Variants in APTX observed in about 807,000 individuals in gnomAD.
The protein encoded by APTX is aprataxin.
A neutral mutation model predicts 42.3 loss-of-function variants in APTX; 33 were observed. The ratio of observed to expected loss-of-function variants is 0.78; its 90% CI spans 0.59 to 1.04. APTX has a LOEUF of 1.04. Ranked by LOEUF, APTX falls within the 50% of genes least tolerant of loss-of-function variation. The pLI is 0.00. For synonymous variants in APTX, 130 were observed against 146.7 expected (o/e 0.89, Z 0.82); for missense variants, 421 against 415.1 (o/e 1.01, Z -0.12).
chr9:33,013,261 T>C (rs1389397808), intron 1 of APTX, among the ~76,000 whole-genome samples: 2 of 152,194 alleles, frequency 1.3e-5, no homozygotes, highest in Non-Finnish European at 2.9e-5. Context: ...ATACTATTAT[T>C]ATCCACTTTT....
At chr9:32,992,700 CA>C (rs1211958396) in intron 1 of APTX, among the ~76,000 whole-genome samples, 2 of 152,152 alleles carry the variant, frequency 1.3e-5, no homozygotes, top group African/African-American at 4.8e-5. Flanking sequence ...GATAAAACAA[CA>C]GCATCCAAAG....
chr9:32,991,402 GC>G (rs1833604008), intron 1 of APTX, among the ~76,000 whole-genome samples: 3 of 152,188 alleles, frequency 2.0e-5, no homozygotes, highest in Admixed American at 2.0e-4. Context: ...AATGGCCGAA[GC>G]AAAGGGGATG....
intron 1 of APTX, 99 bp downstream of exon 1, chr9:33,001,468 T>G: frequency 6.3e-7 from 1 of 1,593,842 alleles, no homozygotes. Flanking sequence ...GCAGCGTCAT[T>G]CAAGGCACAT....
At chr9:32,984,113 G>A (rs1252533547) in intron 6 of APTX, among the ~76,000 whole-genome samples, 1 of 152,114 alleles carries the variant, frequency 6.6e-6, no homozygotes, top group Non-Finnish European at 1.5e-5. Flanking sequence ...CACCTTGCTT[G>A]TATTCTTTGA....
rs367715736 is a variant in APTX, at chr9:32,972,913, C to G, written c.*585G>C. On this transcript the variant is annotated 3_prime_UTR_variant, in exon 8 of 8. Transcript: ENST00000379817. Reference sequence around the variant, plus strand: ...CACACCATCATCTAGCCTCTTTTCTCACTGTGAAGAACTGATGAGACAGAA... The same window carrying G: ...CACACCATCATCTAGCCTCTTTTCTGACTGTGAAGAACTGATGAGACAGAA... The G allele has an allele frequency of 2.2e-5, 10 of 453,996 alleles. No individual in the cohort carries two copies. Among genetic ancestry groups the G allele is most frequent in the East Asian group, 1.4e-4 (2 of 14,408 alleles). 28.1% of individuals were successfully genotyped at this position (453,996 alleles called of 1,614,324 possible).
chr9:32,973,710 C>CAAAAAAAAAAAAA, intron 7 of APTX, 58 bp from the exon 8 acceptor site: 1 of 1,296,414 alleles, frequency 7.7e-7, no homozygotes, highest in Non-Finnish European at 1.0e-6. Flanking sequence ...ATATGAGATA[C>CAAAAAAAAAAAAA]CAAAAAAAAA....
intron 6 of APTX, among the ~76,000 whole-genome samples, chr9:32,980,927 G>A (rs767053129): frequency 6.6e-5 from 10 of 152,076 alleles, no homozygotes; most frequent in Admixed American, 5.2e-4. Flanking sequence ...AATATTTCAC[G>A]TTCTCCCAAT....
chr9:32,992,787 A>G (rs1473020856), intron 1 of APTX, among the ~76,000 whole-genome samples: 2 of 152,218 alleles, frequency 1.3e-5, no homozygotes. Context: ...GGCTGTTAAT[A>G]TAACGTGAGC....
chr9:32,980,988 G>T (rs1214561487), intron 6 of APTX, among the ~76,000 whole-genome samples: 1 of 152,102 alleles, frequency 6.6e-6, no homozygotes, highest in Admixed American at 6.5e-5. Context: ...TGAAATATAA[G>T]CACTAATAAA....
intron 1 of APTX, among the ~76,000 whole-genome samples, chr9:32,990,566 G>A (rs1209696018): frequency 6.6e-6 from 1 of 152,198 alleles, no homozygotes; most frequent in East Asian, 1.9e-4. Context: ...TCCTTGAGGA[G>A]CCTGGAGTGC....
chr9:32,991,468 T>C (rs1563975600), intron 1 of APTX, among the ~76,000 whole-genome samples: 1 of 152,020 alleles, frequency 6.6e-6, no homozygotes, highest in East Asian at 1.9e-4. Context: ...ACTGATGACA[T>C]TTGGGGAATG....
intron 1 of APTX, among the ~76,000 whole-genome samples, chr9:33,012,755 A>C (rs562442983): frequency 6.6e-6 from 1 of 152,306 alleles, no homozygotes; most frequent in South Asian, 2.1e-4. Context: ...TTCTGATTAA[A>C]TAAATGATTG....
intron 1 of APTX, among the ~76,000 whole-genome samples, chr9:33,017,933 C>CG (rs1195626359): frequency 4.7e-5 from 4 of 84,586 alleles, no homozygotes; most frequent in African/African-American, 2.0e-4. Flanking sequence ...CCAGCGCCCC[C>CG]CCCCCCCTCC....
intron 4 of APTX, among the ~76,000 whole-genome samples, chr9:32,986,591 C>T (rs1175256531): frequency 6.6e-6 from 1 of 151,744 alleles, no homozygotes; most frequent in African/African-American, 2.4e-5. Flanking sequence ...CAACCTCTGC[C>T]TCCCGGGTTC....
chr9:33,013,634 A>G (rs145366219), intron 1 of APTX, among the ~76,000 whole-genome samples: 10,825 of 152,150 alleles, frequency 0.071, 514 homozygotes, highest in Non-Finnish European at 0.11. Context: ...GTGAAACCCC[A>G]TCTCTACTAA....
intron 1 of APTX, among the ~76,000 whole-genome samples, chr9:33,013,542 C>T (rs1327217337): frequency 1.3e-5 from 2 of 152,210 alleles, no homozygotes; most frequent in East Asian, 1.9e-4. Context: ...CGTGGTGGCT[C>T]ATGCCTGTAA....
In APTX at chr9:33,021,494, G is replaced by C. The variant is rs757726306; in HGVS notation, c.-5+3529C>G. Among the ~76,000 whole-genome samples the C allele has an allele frequency of 9.2e-5, 14 of 152,116 alleles. No homozygotes were observed. The East Asian group carries it at 1.7e-3, about 19-fold the overall frequency. The stretch of plus-strand genomic sequence containing the variant: ...TAAAAAGCAAGAACAATGAAGGGAA[G>C]TAGTACCATGTATTTCAGTGGAAAT... On this transcript the variant is annotated intron_variant, in intron 1 of 6. Coordinates refer to the APTX transcript ENST00000436040.
At chr9:32,993,075 A>G (rs1409483104) in intron 1 of APTX, among the ~76,000 whole-genome samples, 1 of 152,182 alleles carries the variant, frequency 6.6e-6, no homozygotes, top group African/African-American at 2.4e-5. Context: ...ACAATAAGAG[A>G]AGCCAGAAGA....
At chr9:33,022,899 T>C (rs976345373) in intron 1 of APTX, among the ~76,000 whole-genome samples, 1 of 152,224 alleles carries the variant, frequency 6.6e-6, no homozygotes, top group Non-Finnish European at 1.5e-5. Context: ...TGAGGTTCAG[T>C]GGTGCAATCA....
Sources: gnomAD v4.1 joint callset for allele counts (sites outside exome capture counted in the v4.1 genomes callset) on GRCh38, gnomAD v4.1.1 for gene constraint, MANE v1.5 for transcripts, NCBI Gene and HGNC (gene_info 2026-07-23, HGNC 2026-07-21) for gene names.